ALPK2: variants seen among roughly 807,000 people sequenced by gnomAD.
ALPK2 encodes alpha kinase 2, also known as alpha-protein kinase 2.
In ALPK2, 127 loss-of-function variants were observed where a neutral mutation model predicts 163.1. The observed-to-expected ratio is 0.78, with a 90% CI of 0.67 to 0.90. ALPK2 has a LOEUF of 0.90. Ranked by LOEUF, ALPK2 falls within the 40% of genes least tolerant of loss-of-function variation. ALPK2 has a pLI of 0.00. For missense variants in ALPK2, 2,360 were observed against 2,589.6 expected (o/e 0.91, Z 1.92); for synonymous variants, 953 against 959.1 (o/e 0.99, Z 0.12).
chr18:58,546,846 A>T (rs1051385464), intron 4 of ALPK2, among the ~76,000 whole-genome samples: 4 of 152,222 alleles, frequency 2.6e-5, no homozygotes, highest in African/African-American at 9.6e-5. Flanking sequence ...GTATGCAAAC[A>T]TAAGAAAAGA....
intron 12 of ALPK2, among the ~76,000 whole-genome samples, chr18:58,497,776 C>T (rs886113542): frequency 8.5e-5 from 13 of 152,160 alleles, no homozygotes; most frequent in African/African-American, 3.1e-4. Context: ...CCAGCATTTT[C>T]TCCCCGTGGT....
intron 12 of ALPK2, among the ~76,000 whole-genome samples, chr18:58,482,369 G>A (rs1242247806): frequency 6.6e-6 from 1 of 152,092 alleles, no homozygotes; most frequent in South Asian, 2.1e-4. Flanking sequence ...GGGCTATTTT[G>A]ATAAAACACA....
chr18:58,573,234 G>GTATATATGTATATGTGTGTATATA (rs1568089287), intron 4 of ALPK2, among the ~76,000 whole-genome samples: 1 of 116,506 alleles, frequency 8.6e-6, no homozygotes, highest in African/African-American at 3.6e-5. Flanking sequence ...GTGTATATGT[G>GTATATATGTATATGTGTGTATATA]TGTATATATG....
intron 10 of ALPK2, 50 bp downstream of exon 10, chr18:58,514,943 A>G: frequency 6.8e-7 from 1 of 1,460,322 alleles, no homozygotes; most frequent in Non-Finnish European, 9.5e-7. Flanking sequence ...CGTCCCTCCT[A>G]GTCCCCAACG....
At chr18:58,618,845 C>T (rs1018358745) in intron 1 of ALPK2, among the ~76,000 whole-genome samples, 1 of 152,166 alleles carries the variant, frequency 6.6e-6, no homozygotes, top group Non-Finnish European at 1.5e-5. Context: ...CGCATGGCTG[C>T]TGTCACCAAA....
At chr18:58,555,854 C>T (rs1489590171) in intron 4 of ALPK2, among the ~76,000 whole-genome samples, 1 of 152,192 alleles carries the variant, frequency 6.6e-6, no homozygotes, top group Non-Finnish European at 1.5e-5. Context: ...CAGAGTCTTG[C>T]TCTGTCACCC....
At chr18:58,564,139 T>TTTTTTTTTTTTA (rs2051839161) in intron 4 of ALPK2, among the ~76,000 whole-genome samples, 3 of 147,696 alleles carry the variant, frequency 2.0e-5, no homozygotes, top group Non-Finnish European at 3.0e-5. Flanking sequence ...TTTTTTTTTT[T>TTTTTTTTTTTTA]GAGATGGAGT....
chr18:58,517,281 G>A, intron 8 of ALPK2, 99 bp from the exon 9 acceptor site: 12 of 1,301,026 alleles, frequency 9.2e-6, no homozygotes, highest in Non-Finnish European at 1.3e-5. Flanking sequence ...ACAATGACAA[G>A]GCTGACCTGC....
intron 4 of ALPK2, chr18:58,544,252 A>T (rs2051706093): frequency 6.6e-6 from 1 of 152,194 alleles, no homozygotes; most frequent in South Asian, 2.1e-4. Context: ...TTGAAACCCC[A>T]TTCAACATGC....
intron 1 of ALPK2, among the ~76,000 whole-genome samples, chr18:58,626,688 TA>T (rs200225407): frequency 6.6e-5 from 10 of 151,802 alleles, no homozygotes; most frequent in African/African-American, 1.7e-4. Context: ...CTATTTTTAG[TA>T]AAAAAAAATT....
At chr18:58,488,984 CTG>C (rs1389005316) in intron 12 of ALPK2, among the ~76,000 whole-genome samples, 2 of 152,164 alleles carry the variant, frequency 1.3e-5, no homozygotes. Context: ...GTGCCAGACA[CTG>C]TAGGGGAACT....
At position 58,580,017 on chromosome 18, in the gene ALPK2, A is replaced by G. The variant is rs745718202; in HGVS notation, c.759T>C (p.His253=). ...TDGDLNNDGP[H]DEGLRSSQQN... ...GCTGACTAGAGCGTAAGCCTTCATCATGAGGACCATCATTGTTCAGGTCAC... is the reference window on the plus strand; with the variant it reads ...GCTGACTAGAGCGTAAGCCTTCATCGTGAGGACCATCATTGTTCAGGTCAC... The change falls in exon 4 of 13, where the codon CAT becomes CAC. Residue 253 remains histidine, a synonymous_variant. Coordinates refer to ENST00000361673, the MANE Select transcript of ALPK2 (RefSeq NM_052947.4). 81 of 1,614,122 alleles carry G rather than the reference A, an allele frequency of 5.0e-5. No individual in the cohort carries two copies. Among genetic ancestry groups the G allele is most frequent in the Non-Finnish European group, 6.7e-5 (79 of 1,180,050 alleles).
intron 6 of ALPK2, among the ~76,000 whole-genome samples, chr18:58,524,442 A>T (rs2051573550): frequency 6.6e-6 from 1 of 152,224 alleles, no homozygotes; most frequent in Non-Finnish European, 1.5e-5. Flanking sequence ...ATACAGATAC[A>T]ATAAGGGACA....
intron 1 of ALPK2, among the ~76,000 whole-genome samples, chr18:58,622,005 A>G (rs969272241): frequency 6.6e-6 from 1 of 150,426 alleles, no homozygotes; most frequent in Non-Finnish European, 1.5e-5. Flanking sequence ...GCAGTTTCCA[A>G]TCTTTATGAG....
At chr18:58,584,278 G>A (rs767388371) in intron 3 of ALPK2, among the ~76,000 whole-genome samples, 27 of 152,168 alleles carry the variant, frequency 1.8e-4, no homozygotes, top group Non-Finnish European at 3.1e-4. Context: ...TGGCTGACAC[G>A]TCTTTGCTAA....
At chr18:58,571,136 C>G (rs1314831520) in intron 4 of ALPK2, among the ~76,000 whole-genome samples, 1 of 152,126 alleles carries the variant, frequency 6.6e-6, no homozygotes, top group Admixed American at 6.5e-5. Flanking sequence ...ATTCTCCTAC[C>G]TCAGCCTCCC....
At chr18:58,526,994 C>G (rs1308572848) in intron 6 of ALPK2, among the ~76,000 whole-genome samples, 1 of 152,220 alleles carries the variant, frequency 6.6e-6, no homozygotes, top group Admixed American at 6.5e-5. Context: ...TATTACCTGT[C>G]AAACATTAAC....
chr18:58,591,369 G>A (rs940368917), intron 3 of ALPK2, among the ~76,000 whole-genome samples: 1 of 152,198 alleles, frequency 6.6e-6, no homozygotes, highest in African/African-American at 2.4e-5. Flanking sequence ...AAAGCATTGT[G>A]TTAGCCACTA....
chr18:58,614,803 CTA>C lies in ALPK2; in HGVS notation c.-20-2988_-20-2987del, dbSNP rs141914718. ...AAGTTGTACAATTCAATGGCTTTCACTATATTCAGAATTGTGCAACCGTCACC... is the reference window on the plus strand; with the variant it reads ...AAGTTGTACAATTCAATGGCTTTCACTATTCAGAATTGTGCAACCGTCACC... On this transcript the variant is annotated intron_variant, in intron 1 of 12. Coordinates refer to ENST00000361673, the MANE Select transcript of ALPK2 (RefSeq NM_052947.4). Among the ~76,000 whole-genome samples, 421 of 152,258 alleles carry C rather than the reference CTA, an allele frequency of 2.8e-3. 3 individuals carry two copies. The highest frequency in any genetic ancestry group is 9.2e-3 in the African/African-American group (384 of 41,542).
Sources: allele counts gnomAD v4.1 joint callset (sites outside exome capture counted in the v4.1 genomes callset), GRCh38; gene constraint gnomAD v4.1.1; transcripts MANE v1.5; gene names NCBI Gene and HGNC (gene_info 2026-07-23, HGNC 2026-07-21).